The following LRRC1 variants were observed in gnomAD, a reference collection of about 807,000 sequenced individuals.
The protein encoded by LRRC1 is leucine-rich repeat-containing protein 1.
A neutral mutation model predicts 69.9 loss-of-function variants in LRRC1; 28 were observed. That is an observed-to-expected ratio of 0.40 (90% CI 0.30 to 0.55). LRRC1 has a LOEUF of 0.55. LRRC1 is among the 20% of genes least tolerant of loss of function. The pLI is 0.47. For missense variants in LRRC1, 498 were observed against 609.0 expected, an observed-to-expected ratio of 0.82 and a Z score of 1.92; for synonymous variants, 236 against 240.2, an observed-to-expected ratio of 0.98 and a Z score of 0.16.
intron 2 of LRRC1, among the ~76,000 whole-genome samples, chr6:53,859,388 C>T (rs1405442879): frequency 6.6e-6 from 1 of 152,120 alleles, no homozygotes; most frequent in South Asian, 2.1e-4. Flanking sequence ...AGCAGGAACC[C>T]AGGAGTCTGC....
At position 53,809,933 on chromosome 6, in the gene LRRC1, G is replaced by C. The variant is rs117207100; in HGVS notation, c.159+14518G>C. On this transcript the variant is annotated intron_variant, in intron 1 of 13. Coordinates refer to ENST00000370888, the MANE Select transcript of LRRC1 (RefSeq NM_018214.5). Reference sequence around the variant, plus strand: ...TTCCCCGTGACTTGGTCCTGTGGTGGTACCCTTAGCAGAGAAGAAAGGGAT... The same window carrying C: ...TTCCCCGTGACTTGGTCCTGTGGTGCTACCCTTAGCAGAGAAGAAAGGGAT... Among the ~76,000 whole-genome samples, 299 of 152,342 alleles carry C rather than the reference G, an allele frequency of 2.0e-3. 4 individuals carry two copies. In the East Asian group the frequency reaches 0.041, roughly 21 times the overall value.
At chr6:53,912,421 G>T (rs1236929874) in intron 10 of LRRC1, among the ~76,000 whole-genome samples, 2 of 152,098 alleles carry the variant, frequency 1.3e-5, no homozygotes, top group African/African-American at 2.4e-5. Flanking sequence ...TGTATTTAGG[G>T]TATAATGACT....
intron 7 of LRRC1, among the ~76,000 whole-genome samples, chr6:53,898,847 T>G (rs962634159): frequency 5.9e-5 from 9 of 152,170 alleles, no homozygotes; most frequent in Non-Finnish European, 1.0e-4. Flanking sequence ...AAATTAAATA[T>G]AGATGGAGGA....
At chr6:53,821,527 A>G (rs1173814889) in intron 1 of LRRC1, among the ~76,000 whole-genome samples, 1 of 152,170 alleles carries the variant, frequency 6.6e-6, no homozygotes, top group Non-Finnish European at 1.5e-5. Flanking sequence ...GGGACTCAGG[A>G]GTGCCTGTCA....
chr6:53,899,400 C>T (rs1381039591), intron 7 of LRRC1, among the ~76,000 whole-genome samples: 2 of 152,204 alleles, frequency 1.3e-5, no homozygotes, highest in East Asian at 1.9e-4. Flanking sequence ...AGATCAATTC[C>T]GAACTTGAAA....
intron 1 of LRRC1, among the ~76,000 whole-genome samples, chr6:53,823,000 G>A (rs1261533135): frequency 7.2e-5 from 11 of 152,062 alleles, no homozygotes; most frequent in African/African-American, 2.4e-4. Flanking sequence ...ACAAATACAC[G>A]AAAATAGCTT....
At position 53,795,246 on chromosome 6, in the gene LRRC1, C is replaced by G. The variant is rs771375750; in HGVS notation, c.-11C>G. On this transcript the variant is annotated 5_prime_UTR_variant, in exon 1 of 14. Coordinates refer to ENST00000370888, the MANE Select transcript of LRRC1 (RefSeq NM_018214.5). The stretch of plus-strand genomic sequence containing the variant: ...CGCTCGGGACCCGGCTAGGCGGCGG[C>G]GGGGGCGGCGATGTTCCACTGCATC... 1.6e-5 allele frequency: 25 copies of G among 1,596,588 alleles called. No homozygotes were observed. In the Admixed American group the frequency reaches 1.7e-4, roughly 11 times the overall value.
chr6:53,862,003 A>G (rs1226096571), intron 2 of LRRC1, among the ~76,000 whole-genome samples: 2 of 152,316 alleles, frequency 1.3e-5, no homozygotes, highest in Admixed American at 6.5e-5. Flanking sequence ...TTTGCTGTTC[A>G]GGGGAGGAAA....
intron 10 of LRRC1, among the ~76,000 whole-genome samples, chr6:53,909,587 G>A (rs993713463): frequency 1.3e-5 from 2 of 150,728 alleles, no homozygotes; most frequent in African/African-American, 4.9e-5. Flanking sequence ...TCTAATCAAT[G>A]TAAGGTACTT....
At chr6:53,881,294 C>T (rs1446869128) in intron 3 of LRRC1, among the ~76,000 whole-genome samples, 1 of 152,170 alleles carries the variant, frequency 6.6e-6, no homozygotes, top group East Asian at 1.9e-4. Flanking sequence ...GTGGGAAGCT[C>T]GGACTGCAGT....
intron 4 of LRRC1, among the ~76,000 whole-genome samples, chr6:53,895,821 C>G (rs992106081): frequency 6.6e-6 from 1 of 152,178 alleles, no homozygotes; most frequent in Admixed American, 6.5e-5. Flanking sequence ...TGAAGAGAGC[C>G]TCATTCTAGG....
At chr6:53,853,430 G>A (rs913306590) in intron 2 of LRRC1, among the ~76,000 whole-genome samples, 11 of 151,822 alleles carry the variant, frequency 7.2e-5, no homozygotes, top group African/African-American at 1.2e-4. Flanking sequence ...GATTACAGGC[G>A]CTCACCACCA....
chr6:53,892,011 T>TATATATACACACACAC (rs1428852703), intron 4 of LRRC1, among the ~76,000 whole-genome samples: 1 of 135,340 alleles, frequency 7.4e-6, no homozygotes, highest in African/African-American at 2.9e-5. Context: ...TATATATATA[T>TATATATACACACACAC]ACACACACAC....
intron 4 of LRRC1, 87 bp downstream of exon 4, chr6:53,883,063 A>C: frequency 1.3e-6 from 1 of 767,276 alleles, no homozygotes. Flanking sequence ...TAAAGCTCCT[A>C]TTTGTCTACT....
At chr6:53,881,820 A>T (rs1767299713) in intron 3 of LRRC1, among the ~76,000 whole-genome samples, 2 of 152,344 alleles carry the variant, frequency 1.3e-5, no homozygotes, top group East Asian at 3.9e-4. Flanking sequence ...AGCATTTTAG[A>T]TGCAATGAGA....
In LRRC1 at chr6:53,899,815, A is replaced by G; in HGVS notation, c.711A>G (p.Glu237=). 1 of 1,614,046 alleles carries G rather than the reference A, an allele frequency of 6.2e-7. No individual in the cohort carries two copies. The highest frequency in any genetic ancestry group is 8.5e-7 in the Non-Finnish European group (1 of 1,179,890). Residue 237 remains glutamate, a synonymous_variant, in exon 8 of 14, where the codon GAA becomes GAG. Transcript: ENST00000370888. The part of the protein sequence containing the change: ...VSENRLERLP[E]EISGLTSLTD... ...AAAACAGGTTGGAAAGACTTCCTGA[A>G]GAAATCAGTGGCCTGACTTCATTAA...
chr6:53,807,372 A>G (rs937273201), intron 1 of LRRC1, among the ~76,000 whole-genome samples: 2 of 152,226 alleles, frequency 1.3e-5, no homozygotes, highest in African/African-American at 2.4e-5. Flanking sequence ...CTCTGTCTGT[A>G]TGGAGCTTCC....
rs140411087 is a variant in LRRC1 at position 53,863,812 on chromosome 6, C to T, written c.278-15181C>T. ...TATTTTGATAATAAAAATATATCAC[C>T]GTCATTTAGTAAAAGACAAAGATTT... On this transcript the variant is annotated intron_variant, in intron 2 of 13. Transcript: ENST00000370888. 5.3e-4 allele frequency among the ~76,000 whole-genome samples: 80 copies of T among 152,126 alleles called. 1 individual carries two copies. The East Asian group carries it at 0.013, about 25-fold the overall frequency.
intron 2 of LRRC1, among the ~76,000 whole-genome samples, chr6:53,872,021 G>A (rs1446699178): frequency 1.3e-5 from 2 of 152,014 alleles, no homozygotes; most frequent in Non-Finnish European, 2.9e-5. Context: ...AGAAATCCTT[G>A]CCCAGACCAA....
Sources: gnomAD v4.1 joint callset for allele counts (sites outside exome capture counted in the v4.1 genomes callset) on GRCh38, gnomAD v4.1.1 for gene constraint, MANE v1.5 for transcripts, NCBI Gene and HGNC (gene_info 2026-07-23, HGNC 2026-07-21) for gene names.